Variants in TMEM37 observed in about 807,000 individuals in gnomAD.
The protein encoded by TMEM37 is transmembrane protein 37.
A neutral mutation model predicts 11.0 loss-of-function variants in TMEM37; 12 were observed. That is an observed-to-expected ratio of 1.09 (90% CI 0.70 to 1.76). The LOEUF is 1.76. Among genes scored for constraint, TMEM37 ranks in the 40% most tolerant of loss-of-function variants. The pLI, the probability that TMEM37 is intolerant of heterozygous loss-of-function variation, is 0.00. For missense variants in TMEM37, 203 were observed against 251.2 expected (o/e 0.81, Z 1.30); for synonymous variants, 127 against 110.5 (o/e 1.15, Z -0.94).
At chr2:119,435,313 A>G (rs1163993052) in intron 1 of TMEM37, among the ~76,000 whole-genome samples, 2 of 152,150 alleles carry the variant, frequency 1.3e-5, no homozygotes, top group Admixed American at 1.3e-4. Flanking sequence ...TTTATGTCTC[A>G]CACAGAGAGG....
At position 119,437,610 on chromosome 2, in the gene TMEM37, G is replaced by T; in HGVS notation, c.*170G>T. On this transcript the variant is annotated 3_prime_UTR_variant, in exon 2 of 2. Transcript: ENST00000306406. ...GGTGGTCAGCCAGAAATGGCCCGGG[G>T]GCCTCTGCACCTGGTCTGCAGGGCC... 1 of 836,524 alleles carries T rather than the reference G, an allele frequency of 1.2e-6. No homozygotes were observed. The highest frequency in any genetic ancestry group is 1.8e-6 in the Non-Finnish European group (1 of 551,232). 51.8% of individuals were successfully genotyped at this position (836,524 alleles called of 1,614,324 possible). A position where few individuals can be genotyped will look rare whatever the true frequency, so the allele number is the denominator to read the frequency against.
At chr2:119,430,386 C>A (rs937349815), upstream of TMEM37, 2 of 479,460 alleles carry the variant, frequency 4.2e-6, no homozygotes, top group East Asian at 6.7e-5. Context: ...GAACTCAAAC[C>A]TGGACTAGGC....
Position 119,437,018 on chromosome 2 carries a change from C to T in TMEM37, c.151C>T (p.Leu51Phe), listed in dbSNP as rs780304280. The change falls in exon 2 of 2, where the codon CTC becomes TTC. Residue 51 changes from leucine to phenylalanine, a missense_variant. By Grantham distance (22) the Leu-to-Phe change is conservative (BLOSUM62 0). Transcript: ENST00000306406. The stretch of plus-strand genomic sequence containing the variant: ...GGTCTCCATTTGTGATGGGCACTGG[C>T]TCCTGGCTGAGGACCGCCTCTTCGG... ...SSVSICDGHW[L>F]LAEDRLFGLW... 2 of 1,614,148 alleles carry T rather than the reference C, an allele frequency of 1.2e-6. No homozygotes were observed. Among genetic ancestry groups the T allele is most frequent in the African/African-American group, 2.7e-5 (2 of 74,952 alleles).
intron 1 of TMEM37, among the ~76,000 whole-genome samples, chr2:119,434,485 A>G (rs567244909): frequency 7.9e-5 from 12 of 151,382 alleles, no homozygotes; most frequent in Middle Eastern, 3.4e-3. Context: ...ATAAAATGCA[A>G]TACAGACTCC....
chr2:119,432,110 C>CG (rs1558823758), intron 1 of TMEM37, 186 bp downstream of exon 1: 6 of 390,412 alleles, frequency 1.5e-5, no homozygotes, highest in South Asian at 1.4e-4. Context: ...GGAGCAACCT[C>CG]GGGGGGCCTG....
Position 119,431,921 on chromosome 2 carries a change from G to C in TMEM37, c.18G>C (p.Val6=). 1 of 1,225,680 alleles carries C rather than the reference G, an allele frequency of 8.2e-7. No individual in the cohort carries two copies. The highest frequency in any genetic ancestry group is 1.0e-6 in the Non-Finnish European group (1 of 983,928). 75.9% of individuals were successfully genotyped at this position (1,225,680 alleles called of 1,614,324 possible). The change falls in exon 1 of 2, where the codon GTG becomes GTC. Residue 6 remains valine, a synonymous_variant. Transcript: ENST00000306406. MTAVG[V]QAQRPLGQRQ... is the part of the protein sequence containing the mutation. ...GGCGCAGCATGACTGCCGTCGGCGT[G>C]CAGGTAGCCGGCGCCTGGCGGGGCG...
chr2:119,431,786 C>T (rs1682399344), upstream of TMEM37: 4 of 843,038 alleles, frequency 4.7e-6, no homozygotes, highest in Non-Finnish European at 3.1e-6. Flanking sequence ...ACGCCCCCTC[C>T]CGCCCCGCCC....
At chr2:119,432,881 C>A (rs2104735754) in intron 1 of TMEM37, among the ~76,000 whole-genome samples, 1 of 152,342 alleles carries the variant, frequency 6.6e-6, no homozygotes, top group South Asian at 2.1e-4. Context: ...ATCCCACTGG[C>A]TCCTCCTGCC....
chr2:119,430,880 T>A (rs1167275377), upstream of TMEM37, among the ~76,000 whole-genome samples: 1 of 152,218 alleles, frequency 6.6e-6, no homozygotes. Context: ...CTCATGCCTG[T>A]AATCCTAGCA....
At chr2:119,429,999 C>A (rs1416970296), upstream of TMEM37, 11 of 1,547,886 alleles carry the variant, frequency 7.1e-6, no homozygotes, top group Admixed American at 2.0e-4. Context: ...ATGCTATGAT[C>A]CAGAATCTCA....
At chr2:119,431,011 C>T (rs1682382197), upstream of TMEM37, among the ~76,000 whole-genome samples, 1 of 152,092 alleles carries the variant, frequency 6.6e-6, no homozygotes, top group African/African-American at 2.4e-5. Flanking sequence ...TGATGGGGCG[C>T]GCTTGTAATC....
chr2:119,434,006 A>G (rs1682452958), intron 1 of TMEM37, among the ~76,000 whole-genome samples: 1 of 152,138 alleles, frequency 6.6e-6, no homozygotes, highest in Admixed American at 6.5e-5. Flanking sequence ...TGGTGGCCAG[A>G]GAGTTTAAAT....
At chr2:119,435,376 A>G (rs1026711271) in intron 1 of TMEM37, among the ~76,000 whole-genome samples, 1 of 152,010 alleles carries the variant, frequency 6.6e-6, no homozygotes, top group Non-Finnish European at 1.5e-5. Flanking sequence ...CATAGGACAC[A>G]CCCCATGTTC....
Position 119,437,200 on chromosome 2 carries a change from G to T in TMEM37, c.333G>T (p.Val111=). 1 of 1,614,246 alleles carries T rather than the reference G, an allele frequency of 6.2e-7. No individual in the cohort carries two copies. The highest frequency in any genetic ancestry group is 8.5e-7 in the Non-Finnish European group (1 of 1,180,042). The change falls in exon 2 of 2, where the codon GTG becomes GTT. Residue 111 remains valine (V), a synonymous_variant. Coordinates refer to ENST00000306406, the MANE Select transcript of TMEM37 (RefSeq NM_183240.3). ...TTTTTGGCCTGGAGTTCCTCATGGT[G>T]TCCCAGTTGTGCGAGGACAAACACT... is the stretch of plus-strand genomic sequence containing the variant. The part of the protein sequence containing the change: ...AAIFGLEFLM[V]SQLCEDKHSQ...
upstream of TMEM37, chr2:119,430,403 G>T (rs1409372236): frequency 4.2e-6 from 2 of 476,478 alleles, no homozygotes; most frequent in Admixed American, 4.7e-5. Context: ...AGGCCTGCTG[G>T]GTAAGTGGAG....
chr2:119,430,614 G>A (rs1269692237), upstream of TMEM37, among the ~76,000 whole-genome samples: 1 of 152,226 alleles, frequency 6.6e-6, no homozygotes, highest in Non-Finnish European at 1.5e-5. Flanking sequence ...GGCTCTAAAG[G>A]GGAAAACAGA....
upstream of TMEM37, chr2:119,431,836 G>A: frequency 8.2e-7 from 1 of 1,223,714 alleles, no homozygotes; most frequent in Non-Finnish European, 1.0e-6. Context: ...GAAGTCCCGG[G>A]CTGGCGCCGG....
In TMEM37 at chr2:119,436,879, T is replaced by C; in HGVS notation, c.22-10T>C. 1 of 1,605,366 alleles carries C rather than the reference T, an allele frequency of 6.2e-7. No homozygotes were observed. Among genetic ancestry groups the C allele is most frequent in the Non-Finnish European group, 8.5e-7 (1 of 1,175,892 alleles). ...GTGGCTGACAGGGTGCTTCCTACGGTTTTTTCCAGGCCCAGAGGCCTTTGG... is the reference window on the plus strand; with the variant it reads ...GTGGCTGACAGGGTGCTTCCTACGGCTTTTTCCAGGCCCAGAGGCCTTTGG... On this transcript the variant is annotated splice_polypyrimidine_tract_variant and intron_variant, in intron 1 of 1. Transcript: ENST00000306406.
At chr2:119,431,746 G>A (rs1006017864), upstream of TMEM37, 1 of 574,740 alleles carries the variant, frequency 1.7e-6, no homozygotes, top group Non-Finnish European at 2.5e-6. Context: ...GGTTGGCGGA[G>A]CCCGCCCGGG....
Sources: allele counts gnomAD v4.1 joint callset (sites outside exome capture counted in the v4.1 genomes callset), GRCh38; gene constraint gnomAD v4.1.1; transcripts MANE v1.5; gene names NCBI Gene and HGNC (gene_info 2026-07-23, HGNC 2026-07-21).